TOP2B: variants seen among roughly 807,000 people sequenced by gnomAD.
TOP2B encodes DNA topoisomerase 2-beta.
Under a neutral mutation model 193.5 loss-of-function variants are expected in TOP2B, and 51 were observed. The observed-to-expected ratio is 0.26, with a 90% CI of 0.21 to 0.33. TOP2B has a LOEUF of 0.33. Ranked by LOEUF, TOP2B falls within the 10% of genes least tolerant of loss-of-function variation. The pLI is 1.00. For synonymous variants in TOP2B, 634 were observed against 635.7 expected (o/e 1.00, Z 0.04); for missense variants, 1,378 against 1,909.3 (o/e 0.72, Z 5.19).
chr3:25,637,396 T>G (rs1349592703), intron 5 of TOP2B, 84 bp from the exon 6 acceptor site: 3 of 917,446 alleles, frequency 3.3e-6, no homozygotes, highest in Non-Finnish European at 3.3e-6. Flanking sequence ...GGCAAGGCTG[T>G]TGCAAAACTG....
At position 25,598,528 on chromosome 3, in the gene TOP2B, G is replaced by A. The variant is rs977311192; in HGVS notation, c.4711-51C>T. The A allele has an allele frequency of 7.8e-6, 11 of 1,413,318 alleles. No individual in the cohort carries two copies. In the Admixed American group the frequency reaches 2.7e-4, roughly 34 times the overall value. The allele number at this position is 1,413,318 out of a possible 1,614,324, so 87.5% of individuals were successfully genotyped here. On this transcript the variant is annotated intron_variant, in intron 35 of 35. Coordinates refer to ENST00000264331, the MANE Select transcript of TOP2B (RefSeq NM_001330700.2). ...AAGTTATGAAAGGAAGTAAAGACTA[G>A]TATTAAGAACTATCACTCCTTAAAC...
At position 25,605,951 on chromosome 3, in the gene TOP2B, G is replaced by A. The variant is rs1702227452; in HGVS notation, c.4378+92C>T. ...TTTTCTACTCATTAAAAATTCTGAA[G>A]TTAAATCATGACCTAACGATTTATT... On this transcript the variant is annotated intron_variant, in intron 32 of 35. Coordinates refer to ENST00000264331, the MANE Select transcript of TOP2B (RefSeq NM_001330700.2). 4.4e-6 allele frequency: 3 copies of A among 678,812 alleles called. No individual in the cohort carries two copies. In the South Asian group the frequency reaches 1.5e-4, roughly 33 times the overall value. 42.0% of individuals were successfully genotyped at this position (678,812 alleles called of 1,614,324 possible). A position where few individuals can be genotyped will look rare whatever the true frequency, so the allele number is the denominator to read the frequency against.
At chr3:25,620,962 T>C (rs1702644585) in intron 21 of TOP2B, 146 bp from the exon 22 acceptor site, 3 of 823,362 alleles carry the variant, frequency 3.6e-6, no homozygotes, top group African/African-American at 1.7e-5. Flanking sequence ...TAAGCTTGAA[T>C]TCATAGCTTC....
chr3:25,603,408 A>G (rs139988437), intron 33 of TOP2B, among the ~76,000 whole-genome samples: 1,771 of 152,128 alleles, frequency 0.012, 29 homozygotes, highest in African/African-American at 0.039. Context: ...ACACCAGGCT[A>G]ATTTTTGTAT....
At chr3:25,649,369 T>C (rs6806048) in intron 1 of TOP2B, among the ~76,000 whole-genome samples, 2,036 of 152,132 alleles carry the variant, frequency 0.013, 48 homozygotes, top group African/African-American at 0.044. Flanking sequence ...TCTGAGGACA[T>C]AAATGCATAT....
intron 20 of TOP2B, 64 bp from the exon 21 acceptor site, chr3:25,623,810 A>G (rs1014222078): frequency 3.8e-6 from 4 of 1,062,332 alleles, no homozygotes; most frequent in Non-Finnish European, 5.5e-6. Flanking sequence ...AACTTTATAC[A>G]TAATTAAAAA....
chr3:25,598,365 T>C lies in TOP2B; in HGVS notation c.4823A>G (p.Lys1608Arg). ...TTCTTCATCAGACTCTGCAAAATAT[T>C]TTACTTCTTTCCTAGCCCGACCGGT... ...PRTGRARKEV[K>R]YFAESDEEED... Residue 1608 changes from lysine (K) to arginine (R), a missense_variant, in exon 36 of 36, where the codon AAA becomes AGA. Lys to Arg is a conservative substitution (Grantham distance 26). This residue lies in a region of TOP2B where 556 missense variants were observed against 584.2 expected (regional missense o/e 0.95). Coordinates refer to ENST00000264331, the MANE Select transcript of TOP2B (RefSeq NM_001330700.2). The C allele has an allele frequency of 6.2e-7, 1 of 1,613,342 alleles. No homozygotes were observed. The highest frequency in any genetic ancestry group is 8.5e-7 in the Non-Finnish European group (1 of 1,179,518).
intron 6 of TOP2B, among the ~76,000 whole-genome samples, chr3:25,636,920 G>T (rs1178987245): frequency 4.0e-5 from 6 of 151,854 alleles, no homozygotes. Context: ...ACACTAAGTG[G>T]TTGCATGTAC....
chr3:25,612,189 G>A (rs982965695), intron 28 of TOP2B, among the ~76,000 whole-genome samples: 6 of 151,996 alleles, frequency 3.9e-5, no homozygotes, highest in African/African-American at 1.2e-4. Flanking sequence ...TGATCCGCCC[G>A]CCTCAGCCTC....
chr3:25,652,865 T>C (rs1489935430), intron 1 of TOP2B, among the ~76,000 whole-genome samples: 2 of 152,066 alleles, frequency 1.3e-5, no homozygotes, highest in African/African-American at 2.4e-5. Flanking sequence ...CAAGAGTTTG[T>C]TTTTTGAAAA....
chr3:25,603,240 T>C (rs1702153028), intron 33 of TOP2B, among the ~76,000 whole-genome samples: 1 of 152,120 alleles, frequency 6.6e-6, no homozygotes, highest in African/African-American at 2.4e-5. Flanking sequence ...TTTTTGATTG[T>C]TCTGTTGTTG....
rs757493340 is a variant in TOP2B at position 25,598,260 on chromosome 3, G to A, written c.*47C>T. 8.4e-6 allele frequency: 13 copies of A among 1,538,502 alleles called. No homozygotes were observed. In the African/African-American group the frequency reaches 1.1e-4, roughly 13 times the overall value. ...AAAGTCTGAGACAGAGAAGACAAAA[G>A]GACAACACAAGATATTTGTTGAAAA... On this transcript the variant is annotated 3_prime_UTR_variant, in exon 36 of 36. Transcript: ENST00000264331.
In TOP2B at chr3:25,608,168, T is replaced by C. The variant is rs116455423; in HGVS notation, c.4094-793A>G. On this transcript the variant is annotated intron_variant, in intron 30 of 35. Transcript: ENST00000264331. ...TACTATGAAATAACAAAGACAGTAA[T>C]TTTTTAGATGAATGAAAAAAGACAG... Among the ~76,000 whole-genome samples the C allele has an allele frequency of 8.9e-3, 1,350 of 152,292 alleles. 5 individuals are homozygous for C. The highest frequency in any genetic ancestry group is 0.013 in the Non-Finnish European group (912 of 68,024).
chr3:25,619,854 T>C lies in TOP2B; in HGVS notation c.3063+8A>G, dbSNP rs752275400. ...AAGATTAAATTAACAGTAAATCTAATAAATTACCATGGAATTACAAGTAAG... is the reference window on the plus strand; with the variant it reads ...AAGATTAAATTAACAGTAAATCTAACAAATTACCATGGAATTACAAGTAAG... On this transcript the variant is annotated splice_region_variant and intron_variant, in intron 23 of 35. Coordinates refer to ENST00000264331, the MANE Select transcript of TOP2B (RefSeq NM_001330700.2). 5 of 1,571,052 alleles carry C rather than the reference T, an allele frequency of 3.2e-6. No homozygotes were observed. Among genetic ancestry groups the C allele is most frequent in the Non-Finnish European group, 8.8e-7 (1 of 1,142,340 alleles).
At chr3:25,601,483 G>A (rs1471370992) in intron 33 of TOP2B, among the ~76,000 whole-genome samples, 1 of 152,168 alleles carries the variant, frequency 6.6e-6, no homozygotes. Flanking sequence ...GCCAGGTGTG[G>A]TGGCAGATGC....
intron 27 of TOP2B, among the ~76,000 whole-genome samples, chr3:25,613,011 A>G (rs1464382383): frequency 6.6e-6 from 1 of 152,160 alleles, no homozygotes; most frequent in African/African-American, 2.4e-5. Flanking sequence ...TGGAATCAAG[A>G]CCTCTGATAA....
chr3:25,645,743 G>A (rs952270273), intron 1 of TOP2B, among the ~76,000 whole-genome samples: 10 of 151,890 alleles, frequency 6.6e-5, no homozygotes, highest in African/African-American at 2.4e-4. Flanking sequence ...TCCCAATTCT[G>A]TAAGATATCA....
intron 1 of TOP2B, among the ~76,000 whole-genome samples, chr3:25,659,012 T>C (rs544027130): frequency 6.6e-6 from 1 of 152,182 alleles, no homozygotes; most frequent in Non-Finnish European, 1.5e-5. Context: ...CTCATTCACA[T>C]AATCAACACA....
chr3:25,632,967 G>GT lies in TOP2B; in HGVS notation c.1027-174dup, dbSNP rs375960986. Among the ~76,000 whole-genome samples the GT allele has an allele frequency of 2.8e-3, 427 of 151,946 alleles. 5 individuals are homozygous for GT. The highest frequency in any genetic ancestry group is 9.8e-3 in the African/African-American group (406 of 41,446). On this transcript the variant is annotated intron_variant, in intron 8 of 35. Coordinates refer to ENST00000264331, the MANE Select transcript of TOP2B (RefSeq NM_001330700.2). ...ACAGAGCCAATAAACCAACCGCTGT[G>GT]TTTTTTTTGTTTGTTTGTTTGTTTG...
Sources: gnomAD v4.1 joint callset for allele counts (sites outside exome capture counted in the v4.1 genomes callset) on GRCh38, gnomAD v4.1.1 for gene constraint, gnomAD v4.1.1 regional missense constraint, MANE v1.5 for transcripts, NCBI Gene and HGNC (gene_info 2026-07-23, HGNC 2026-07-21) for gene names.